Variants in LIM2 observed in about 807,000 individuals in gnomAD.
LIM2 encodes lens fiber membrane intrinsic protein.
In LIM2, 14 loss-of-function variants were observed where a neutral mutation model predicts 19.0. The ratio of observed to expected loss-of-function variants is 0.74; its 90% confidence interval spans 0.49 to 1.15. The LOEUF is 1.15. Ranked by LOEUF, LIM2 falls within the 50% of genes most tolerant of loss-of-function variation. The pLI is 0.00. For missense variants in LIM2, 230 were observed against 243.5 expected (o/e 0.94, Z 0.37); for synonymous variants, 78 against 89.6 (o/e 0.87, Z 0.73).
intron 2 of LIM2, among the ~76,000 whole-genome samples, chr19:51,385,269 C>A (rs1987005426): frequency 6.6e-6 from 1 of 152,154 alleles, no homozygotes; most frequent in East Asian, 1.9e-4. Context: ...TGCCTATAAT[C>A]CCAGCACTTT....
intron 3 of LIM2, 37 bp downstream of exon 3, chr19:51,382,381 G>A (rs1052989463): frequency 1.2e-6 from 2 of 1,610,542 alleles, no homozygotes; most frequent in East Asian, 2.2e-5. Context: ...TGAGATGAGA[G>A]CGAGGAGAGG....
In LIM2 at chr19:51,380,020, G is replaced by A; in HGVS notation, c.*181C>T. 1.6e-6 allele frequency: 1 copy of A among 641,432 alleles called. No homozygotes were observed. The allele number at this position is 641,432 out of a possible 1,614,324, so 39.7% of individuals were successfully genotyped here. A position where few individuals can be genotyped will look rare whatever the true frequency, so the allele number is the denominator to read the frequency against. On this transcript the variant is annotated 3_prime_UTR_variant, in exon 5 of 5. Transcript: ENST00000596399. ...TTGAGTCTTCTCAGCTCCCTCCCAT[G>A]GGCCCTATTCTTCCTCCTTCCAGCC...
chr19:51,382,771 C>T (rs1986932471), intron 2 of LIM2, among the ~76,000 whole-genome samples: 1 of 152,118 alleles, frequency 6.6e-6, no homozygotes, highest in South Asian at 2.1e-4. Flanking sequence ...CTCTAGGAAG[C>T]ATCTCCCCAC....
At chr19:51,381,260 T>C (rs1203457901) in intron 3 of LIM2, among the ~76,000 whole-genome samples, 1 of 151,486 alleles carries the variant, frequency 6.6e-6, no homozygotes, top group Non-Finnish European at 1.5e-5. Context: ...GAGGTGGAGG[T>C]TGCAGTGAGC....
Position 51,380,208 on chromosome 19 carries a change from G to A in LIM2, c.515C>T (p.Pro172Leu), listed in dbSNP as rs777772607. The A allele has an allele frequency of 2.5e-6, 4 of 1,613,528 alleles. No homozygotes were observed. The highest frequency in any genetic ancestry group is 1.3e-5 in the African/African-American group (1 of 74,796). ...TGGGGGACACATTTGGGCTCAGCGG[G>A]GTGTAGACAGGCGCCGGCATTCATG... is the stretch of plus-strand genomic sequence containing the variant. ...RVHECRRLST[P>L]R Residue 172 changes from proline (P) to leucine (L), a missense_variant, in exon 5 of 5, where the codon CCC becomes CTC. Pro to Leu is a moderately conservative substitution (Grantham distance 98, BLOSUM62 -3). Transcript: ENST00000596399.
At chr19:51,384,878 T>C (rs966349082) in intron 2 of LIM2, among the ~76,000 whole-genome samples, 2 of 152,082 alleles carry the variant, frequency 1.3e-5, no homozygotes, top group Non-Finnish European at 2.9e-5. Flanking sequence ...ATTATTATTT[T>C]TTGAGACAGG....
At chr19:51,382,304 G>A in intron 3 of LIM2, 114 bp downstream of exon 3, 1 of 1,217,090 alleles carries the variant, frequency 8.2e-7, no homozygotes, top group Non-Finnish European at 1.2e-6. Flanking sequence ...TTAGGGTGGG[G>A]TGGGGTTGAG....
At chr19:51,384,370 G>C (rs750575965) in intron 2 of LIM2, among the ~76,000 whole-genome samples, 1 of 152,172 alleles carries the variant, frequency 6.6e-6, no homozygotes, top group Non-Finnish European at 1.5e-5. Context: ...GGTGGAGGTT[G>C]CAGTGAGCCA....
At chr19:51,382,358 A>G in intron 3 of LIM2, 60 bp downstream of exon 3, 7 of 1,589,666 alleles carry the variant, frequency 4.4e-6, no homozygotes, top group Non-Finnish European at 4.3e-6. Flanking sequence ...AGGGGTGGGG[A>G]CAGATTGGGG....
At chr19:51,381,571 G>A (rs1246680541) in intron 3 of LIM2, among the ~76,000 whole-genome samples, 1 of 152,092 alleles carries the variant, frequency 6.6e-6, no homozygotes, top group East Asian at 1.9e-4. Context: ...AAGAAGGCTT[G>A]GAAGCTCTGC....
intron 1 of LIM2, 27 bp downstream of exon 1, chr19:51,387,892 G>A: frequency 4.6e-6 from 1 of 217,674 alleles, no homozygotes; most frequent in South Asian, 6.8e-5. Context: ...GGAAGAGGGG[G>A]CTACAGGTCT....
chr19:51,383,046 T>TTTTTTTTTTTTTTTA, intron 2 of LIM2, among the ~76,000 whole-genome samples: 1 of 136,046 alleles, frequency 7.4e-6, no homozygotes, highest in South Asian at 2.3e-4. Flanking sequence ...TTTTTTTTTT[T>TTTTTTTTTTTTTTTA]TTTTTTGAGA....
Position 51,387,161 on chromosome 19 carries a change from C to T in LIM2, c.175+108G>A, listed in dbSNP as rs867686618. 3.1e-6 allele frequency: 5 copies of T among 1,609,984 alleles called. No individual in the cohort carries two copies. Among genetic ancestry groups the T allele is most frequent in the Non-Finnish European group, 4.3e-6 (5 of 1,176,402 alleles). On this transcript the variant is annotated intron_variant, in intron 2 of 4. Transcript: ENST00000596399. ...GAGTGACCTTGGGTTGCTCCCTTTC[C>T]CTCTTTGAGCCGCAGAGTTCTCCAT... is the stretch of plus-strand genomic sequence containing the variant.
intron 2 of LIM2, among the ~76,000 whole-genome samples, chr19:51,386,366 C>T (rs991976989): frequency 1.3e-5 from 2 of 150,828 alleles, no homozygotes. Context: ...TCAGGTGATC[C>T]GCCCACCTCA....
intron 1 of LIM2, 47 bp from the exon 2 acceptor site, chr19:51,387,496 T>G (rs2123676679): frequency 1.9e-6 from 3 of 1,610,212 alleles, no homozygotes; most frequent in East Asian, 4.5e-5. Context: ...TTCCCGGGAC[T>G]TGAAGGGAGG....
At chr19:51,384,830 G>T (rs900611813) in intron 2 of LIM2, among the ~76,000 whole-genome samples, 1 of 152,044 alleles carries the variant, frequency 6.6e-6, no homozygotes, top group Non-Finnish European at 1.5e-5. Context: ...GATTGCTTGA[G>T]GCCAGGAGGG....
In LIM2 at chr19:51,380,115, C is replaced by A; in HGVS notation, c.*86G>T. The A allele has an allele frequency of 1.6e-6, 2 of 1,278,880 alleles. No individual in the cohort carries two copies. Among genetic ancestry groups the A allele is most frequent in the East Asian group, 4.9e-5 (2 of 41,182 alleles). 79.2% of individuals were successfully genotyped at this position (1,278,880 alleles called of 1,614,324 possible). A position where few individuals can be genotyped will look rare whatever the true frequency, so the allele number is the denominator to read the frequency against. ...CTGAGCCCCCTCATTCCCCTAGGAA[C>A]CAGGATTTCAGGCCTCTAGACCCTC... On this transcript the variant is annotated 3_prime_UTR_variant, in exon 5 of 5. Transcript: ENST00000596399.
intron 2 of LIM2, among the ~76,000 whole-genome samples, chr19:51,383,993 GT>G (rs1351107436): frequency 6.6e-6 from 1 of 152,174 alleles, no homozygotes; most frequent in African/African-American, 2.4e-5. Context: ...GATTTTATGG[GT>G]TATGCCTTTC....
rs368922156 is a variant in LIM2 at position 51,382,345 on chromosome 19, T to C, written c.325+73A>G. On this transcript the variant is annotated intron_variant, in intron 3 of 4. Coordinates refer to ENST00000596399, the MANE Select transcript of LIM2 (RefSeq NM_001161748.2). ...GGAGGAGTAAGGGGTGAGAATGGTG[T>C]TGAGGGGTGGGGACAGATTGGGGTT... 7.7e-5 allele frequency: 120 copies of C among 1,556,108 alleles called. No individual in the cohort carries two copies. The African/African-American group carries it at 1.4e-3, about 18-fold the overall frequency.
Sources: allele counts gnomAD v4.1 joint callset (sites outside exome capture counted in the v4.1 genomes callset), GRCh38; gene constraint gnomAD v4.1.1; transcripts MANE v1.5; gene names NCBI Gene and HGNC (gene_info 2026-07-23, HGNC 2026-07-21).